The following DLGAP2 variants were observed in gnomAD, a reference collection of about 807,000 sequenced individuals.
The protein encoded by DLGAP2 is disks large-associated protein 2.
A neutral mutation model predicts 100.3 loss-of-function variants in DLGAP2; 26 were observed. The observed-to-expected ratio is 0.26, with a 90% CI of 0.19 to 0.36. The LOEUF (loss-of-function observed/expected upper bound fraction) is 0.36. Among genes scored for constraint, DLGAP2 ranks in the 10% least tolerant of loss-of-function variants. The pLI, the probability that DLGAP2 is intolerant of heterozygous loss-of-function variation, is 1.00. For synonymous variants in DLGAP2, 886 were observed against 630.1 expected, an observed-to-expected ratio of 1.41 and a Z score of -6.08; for missense variants, 1,858 against 1,453.2, an observed-to-expected ratio of 1.28 and a Z score of -4.53.
At chr8:1,370,016 G>A (rs1802199758) in intron 3 of DLGAP2, among the ~76,000 whole-genome samples, 1 of 152,148 alleles carries the variant, frequency 6.6e-6, no homozygotes, top group Non-Finnish European at 1.5e-5. Flanking sequence ...TCAGACCTGA[G>A]TTCAGCAGCA....
intron 2 of DLGAP2, among the ~76,000 whole-genome samples, chr8:1,076,706 G>A (rs1019118824): frequency 1.3e-5 from 2 of 152,212 alleles, no homozygotes; most frequent in African/African-American, 2.4e-5. Context: ...TCCCCTTAGT[G>A]TGTTAGTGTC....
intron 2 of DLGAP2, among the ~76,000 whole-genome samples, chr8:1,255,798 G>C (rs371474068): frequency 1.4e-5 from 2 of 140,368 alleles, no homozygotes; most frequent in East Asian, 2.3e-4. Flanking sequence ...ATCCTGCCTG[G>C]GTGCTATGTG....
At chr8:1,177,183 G>T (rs890943426) in intron 2 of DLGAP2, among the ~76,000 whole-genome samples, 2 of 152,156 alleles carry the variant, frequency 1.3e-5, no homozygotes, top group Non-Finnish European at 2.9e-5. Context: ...AACTTTGCTG[G>T]GGCCCTTACA....
chr8:1,351,270 G>T (rs1287092770), intron 3 of DLGAP2, among the ~76,000 whole-genome samples: 1 of 92,092 alleles, frequency 1.1e-5, no homozygotes, highest in Non-Finnish European at 2.2e-5. Flanking sequence ...CGGCCGTGCG[G>T]GTCCTGACTG....
intron 2 of DLGAP2, among the ~76,000 whole-genome samples, chr8:1,240,058 G>GTGTCTAGTTCTCTCACATGGCGCCA (rs1798751650): frequency 1.6e-4 from 23 of 141,032 alleles, no homozygotes; most frequent in African/African-American, 4.6e-4. Flanking sequence ...ACATGGCGCC[G>GTGTCTAGTTCTCTCACATGGCGCCA]TGTCTAGTTA....
chr8:824,167 T>C (rs1234178453), intron 1 of DLGAP2, among the ~76,000 whole-genome samples: 2 of 152,106 alleles, frequency 1.3e-5, no homozygotes, highest in African/African-American at 4.8e-5. Context: ...CTCAACCTCC[T>C]GGGCTCAGGT....
chr8:1,138,576 C>T (rs564185346), intron 2 of DLGAP2, among the ~76,000 whole-genome samples: 1 of 152,342 alleles, frequency 6.6e-6, no homozygotes, highest in South Asian at 2.1e-4. Context: ...CACGAGAAGA[C>T]ACTGAGAAGT....
At chr8:1,136,772 G>A (rs900545853) in intron 2 of DLGAP2, among the ~76,000 whole-genome samples, 2 of 152,338 alleles carry the variant, frequency 1.3e-5, no homozygotes, top group East Asian at 1.9e-4. Flanking sequence ...AGGAGCACAC[G>A]GGGCGTGTTG....
intron 1 of DLGAP2, among the ~76,000 whole-genome samples, chr8:832,702 T>C (rs562338457): frequency 4.7e-4 from 72 of 152,308 alleles, no homozygotes; most frequent in African/African-American, 1.7e-3. Flanking sequence ...CTTTTCAGAG[T>C]GCCTGTGGAG....
chr8:1,257,496 C>G (rs1342588008), intron 2 of DLGAP2, among the ~76,000 whole-genome samples: 1 of 137,332 alleles, frequency 7.3e-6, no homozygotes, highest in Non-Finnish European at 1.6e-5. Context: ...CCACCTTGTC[C>G]GTGCCTTTCC....
intron 13 of DLGAP2, among the ~76,000 whole-genome samples, chr8:1,692,609 G>C (rs1405328315): frequency 6.6e-6 from 1 of 152,134 alleles, no homozygotes; most frequent in Non-Finnish European, 1.5e-5. Flanking sequence ...AGAAACAAGG[G>C]AAATTTCTAT....
intron 6 of DLGAP2, among the ~76,000 whole-genome samples, chr8:1,570,087 G>A (rs1272313900): frequency 1.3e-5 from 2 of 152,246 alleles, no homozygotes; most frequent in South Asian, 2.1e-4. Flanking sequence ...ACAAGGGCAC[G>A]CTGAGCTGTA....
chr8:1,697,092 GC>G (rs1348173787), intron 13 of DLGAP2, 54 bp from the exon 14 acceptor site: 4 of 1,463,108 alleles, frequency 2.7e-6, no homozygotes, highest in African/African-American at 2.8e-5. Flanking sequence ...GGCCTCCCCA[GC>G]CCTGTGCCCG....
chr8:1,281,217 C>A (rs1799806944), intron 3 of DLGAP2, among the ~76,000 whole-genome samples: 1 of 152,222 alleles, frequency 6.6e-6, no homozygotes, highest in African/African-American at 2.4e-5. Flanking sequence ...GTGCTGATTT[C>A]ACAACTTCAG....
intron 3 of DLGAP2, among the ~76,000 whole-genome samples, chr8:1,357,596 C>T (rs1028596004): frequency 4.6e-5 from 7 of 152,120 alleles, no homozygotes; most frequent in African/African-American, 1.4e-4. Context: ...TTACAGTTCC[C>T]TGGAAAGCAC....
chr8:1,066,214 A>G (rs1803243995), intron 2 of DLGAP2, among the ~76,000 whole-genome samples: 1 of 150,346 alleles, frequency 6.7e-6, no homozygotes, highest in African/African-American at 2.5e-5. Flanking sequence ...ACAGTTCTCC[A>G]CCATGGTCAG....
intron 3 of DLGAP2, among the ~76,000 whole-genome samples, chr8:1,485,857 T>G (rs996296973): frequency 5.9e-5 from 9 of 152,102 alleles, no homozygotes. Flanking sequence ...AAACCCCATC[T>G]CTACTAAAAT....
At chr8:1,619,293 A>C (rs983218959) in intron 6 of DLGAP2, among the ~76,000 whole-genome samples, 13 of 152,246 alleles carry the variant, frequency 8.5e-5, no homozygotes, top group African/African-American at 2.9e-4. Context: ...TTTCACTAGA[A>C]TGGCCTAAGT....
At chr8:1,214,757 T>C (rs533609289) in intron 2 of DLGAP2, among the ~76,000 whole-genome samples, 1 of 152,252 alleles carries the variant, frequency 6.6e-6, no homozygotes, top group Non-Finnish European at 1.5e-5. Context: ...GTAGAGTGAA[T>C]GAATGCATAA....
Sources: allele counts gnomAD v4.1 joint callset (sites outside exome capture counted in the v4.1 genomes callset), GRCh38; gene constraint gnomAD v4.1.1; transcripts MANE v1.5; gene names NCBI Gene and HGNC (gene_info 2026-07-23, HGNC 2026-07-21).